Variants in DLG2 observed in about 807,000 individuals in gnomAD.
DLG2 encodes disks large homolog 2.
A neutral mutation model predicts 132.5 loss-of-function variants in DLG2; 45 were observed. The ratio of observed to expected loss-of-function variants is 0.34; its 90% CI spans 0.27 to 0.44. DLG2 has a LOEUF of 0.44. Ranked by LOEUF, DLG2 falls within the 20% of genes least tolerant of loss-of-function variation. The probability of loss-of-function intolerance (pLI) is 1.00; values close to 1 mark genes in which losing one functional copy is unlikely to be tolerated. For missense variants in DLG2, 1,045 were observed against 1,196.9 expected, an observed-to-expected ratio of 0.87 and a Z score of 1.87; for synonymous variants, 424 against 419.6, an observed-to-expected ratio of 1.01 and a Z score of -0.13.
chr11:84,592,026 G>A (rs2099544566), intron 6 of DLG2, among the ~76,000 whole-genome samples: 1 of 151,932 alleles, frequency 6.6e-6, no homozygotes, highest in Non-Finnish European at 1.5e-5. Context: ...GCTGATTTTT[G>A]TATTTTTTGT....
At chr11:84,712,333 C>G (rs183776898) in intron 6 of DLG2, among the ~76,000 whole-genome samples, 3 of 152,022 alleles carry the variant, frequency 2.0e-5, no homozygotes, top group East Asian at 1.9e-4. Context: ...TGTAAAAGAC[C>G]TTGAAGTGGC....
intron 6 of DLG2, among the ~76,000 whole-genome samples, chr11:84,965,146 G>C (rs1484100886): frequency 1.3e-5 from 2 of 152,072 alleles, no homozygotes; most frequent in African/African-American, 4.8e-5. Flanking sequence ...AGGACAAACT[G>C]CAAGTTTTCC....
At chr11:84,797,595 T>TCA (rs1338681035) in intron 6 of DLG2, among the ~76,000 whole-genome samples, 6 of 152,226 alleles carry the variant, frequency 3.9e-5, no homozygotes, top group African/African-American at 1.4e-4. Context: ...CAGTCTCTGT[T>TCA]AAGTTTGTCT....
chr11:83,604,022 A>G (rs1029670192), intron 19 of DLG2, among the ~76,000 whole-genome samples: 1 of 152,206 alleles, frequency 6.6e-6, no homozygotes, highest in Non-Finnish European at 1.5e-5. Flanking sequence ...AAATATAGAT[A>G]GATTTCAAAA....
chr11:84,907,880 A>T (rs2091691889), intron 6 of DLG2, among the ~76,000 whole-genome samples: 1 of 152,186 alleles, frequency 6.6e-6, no homozygotes, highest in Admixed American at 6.5e-5. Context: ...ACCTCCTTGG[A>T]CTGTAGTTGA....
chr11:83,831,632 T>C (rs538351182), intron 17 of DLG2, among the ~76,000 whole-genome samples: 6 of 152,154 alleles, frequency 3.9e-5, no homozygotes, highest in South Asian at 2.1e-4. Context: ...TAAGATTCTA[T>C]TTATAAATCA....
At chr11:84,183,241 C>T (rs11820087) in intron 8 of DLG2, among the ~76,000 whole-genome samples, 1,578 of 152,248 alleles carry the variant, frequency 0.01, 24 homozygotes, top group African/African-American at 0.035. Context: ...CTCATAAATA[C>T]TTTCTAACTC....
chr11:85,324,796 G>A (rs368579368), intron 3 of DLG2, among the ~76,000 whole-genome samples: 13 of 152,154 alleles, frequency 8.5e-5, no homozygotes, highest in African/African-American at 2.4e-4. Context: ...GAACAGCTCC[G>A]GTCTACAGCT....
chr11:85,110,371 T>C (rs1369759642), intron 6 of DLG2, among the ~76,000 whole-genome samples: 1 of 151,972 alleles, frequency 6.6e-6, no homozygotes, highest in Non-Finnish European at 1.5e-5. Flanking sequence ...TGAGCCAAGA[T>C]CATGCCACTA....
intron 3 of DLG2, among the ~76,000 whole-genome samples, chr11:85,529,838 G>A (rs1173130512): frequency 6.6e-6 from 1 of 152,106 alleles, no homozygotes; most frequent in African/African-American, 2.4e-5. Context: ...CCCAGACAAG[G>A]AGATGAGTTT....
At chr11:85,532,623 A>G (rs1000002687) in intron 3 of DLG2, among the ~76,000 whole-genome samples, 1 of 152,232 alleles carries the variant, frequency 6.6e-6, no homozygotes, top group African/African-American at 2.4e-5. Context: ...CAGTGCAGTA[A>G]TATTTGGATG....
chr11:84,985,755 G>C (rs571664592), intron 6 of DLG2, among the ~76,000 whole-genome samples: 75 of 152,166 alleles, frequency 4.9e-4, no homozygotes, highest in African/African-American at 1.8e-3. Context: ...GCACTTGGGA[G>C]GCCAAGTTGG....
chr11:85,305,767 C>T (rs1380007070), intron 3 of DLG2, among the ~76,000 whole-genome samples: 1 of 152,198 alleles, frequency 6.6e-6, no homozygotes, highest in African/African-American at 2.4e-5. Flanking sequence ...CCCGCCTCGG[C>T]TTCCCAAAGT....
At chr11:84,690,089 A>AC (rs943688399) in intron 6 of DLG2, among the ~76,000 whole-genome samples, 3 of 151,890 alleles carry the variant, frequency 2.0e-5, no homozygotes, top group African/African-American at 7.3e-5. Context: ...AAAGGTAGTT[A>AC]CCAGAGGCTG....
intron 6 of DLG2, among the ~76,000 whole-genome samples, chr11:85,008,976 C>T (rs643891): frequency 0.71 from 107,270 of 151,932 alleles, 38,865 homozygotes; most frequent in East Asian, 0.92. Flanking sequence ...AGGTTAGTTC[C>T]ATGAAAATAT....
intron 18 of DLG2, among the ~76,000 whole-genome samples, chr11:83,644,923 A>T (rs944415559): frequency 1.3e-5 from 2 of 152,106 alleles, no homozygotes; most frequent in African/African-American, 4.8e-5. Flanking sequence ...TAAAACAAAG[A>T]TATTACAAAG....
chr11:84,850,868 A>T (rs1215094643), intron 6 of DLG2, among the ~76,000 whole-genome samples: 1 of 152,156 alleles, frequency 6.6e-6, no homozygotes, highest in Non-Finnish European at 1.5e-5. Flanking sequence ...CCAAAATTAC[A>T]AAATATCATT....
At chr11:85,496,317 T>A (rs771038509) in intron 3 of DLG2, among the ~76,000 whole-genome samples, 3 of 152,158 alleles carry the variant, frequency 2.0e-5, no homozygotes, top group Non-Finnish European at 4.4e-5. Flanking sequence ...CAGTCTGAGA[T>A]TGACCTGGGA....
At chr11:85,042,748 T>G (rs2061986632) in intron 6 of DLG2, among the ~76,000 whole-genome samples, 1 of 151,952 alleles carries the variant, frequency 6.6e-6, no homozygotes, top group South Asian at 2.1e-4. Flanking sequence ...AATACCTTTC[T>G]GTATATAAAG....
Sources: allele counts gnomAD v4.1 joint callset (sites outside exome capture counted in the v4.1 genomes callset), GRCh38; gene constraint gnomAD v4.1.1; transcripts MANE v1.5; gene names NCBI Gene and HGNC (gene_info 2026-07-23, HGNC 2026-07-21).